PHACTR2: variants seen among roughly 807,000 people sequenced by gnomAD.
The protein encoded by PHACTR2 is phosphatase and actin regulator 2.
PHACTR2 carries 30 observed loss-of-function variants against 76.0 expected under a neutral mutation model. That is an observed-to-expected ratio of 0.39 (90% CI 0.30 to 0.54). The LOEUF (loss-of-function observed/expected upper bound fraction) is 0.54. PHACTR2 is among the 20% of genes least tolerant of loss of function. The pLI is 0.61. For missense variants in PHACTR2, 696 were observed against 781.1 expected (o/e 0.89, Z 1.30); for synonymous variants, 292 against 292.5 (o/e 1.00, Z 0.02).
intron 1 of PHACTR2, among the ~76,000 whole-genome samples, chr6:143,705,857 G>A (rs1045222022): frequency 1.3e-5 from 2 of 152,176 alleles, no homozygotes; most frequent in African/African-American, 4.8e-5. Context: ...GCACTCTTTG[G>A]AAGGAAGTCA....
intron 1 of PHACTR2, 42 bp from the exon 2 acceptor site, chr6:143,711,974 C>A: frequency 1.9e-6 from 3 of 1,586,340 alleles, no homozygotes; most frequent in African/African-American, 2.7e-5. Flanking sequence ...TTATTACAAC[C>A]TTTTTTACAA....
intron 1 of PHACTR2, among the ~76,000 whole-genome samples, chr6:143,545,653 C>A (rs1231337539): frequency 2.0e-5 from 3 of 152,152 alleles, no homozygotes; most frequent in African/African-American, 7.2e-5. Flanking sequence ...AACCAAGACT[C>A]AAATCTTCAT....
chr6:143,672,033 G>A lies in PHACTR2; in HGVS notation c.14-39983G>A, dbSNP rs1187258210. Among the ~76,000 whole-genome samples, 2 of 152,138 alleles carry A rather than the reference G, an allele frequency of 1.3e-5. No individual in the cohort carries two copies. Among genetic ancestry groups the A allele is most frequent in the Non-Finnish European group, 2.9e-5 (2 of 68,020 alleles). On this transcript the variant is annotated intron_variant, in intron 1 of 11. Coordinates refer to the PHACTR2 transcript ENST00000305766. This position sits in a 1 kb window ranked among gnomAD's most constrained non-coding sequence, Gnocchi z 5.8. ...TTAGATAAATCAAAAGTATGGACATGGAAAGCAGGTTGGCAGTTCCCTAAT... is the reference window on the plus strand; with the variant it reads ...TTAGATAAATCAAAAGTATGGACATAGAAAGCAGGTTGGCAGTTCCCTAAT...
rs1778878413 is a variant in PHACTR2, at chr6:143,738,938, G to T, written c.215-10047G>T. ...CCCTGAAATGTGTAGATTGAAAGCAGATCATGGAGAAGGGTGTTAGAAGTT... is the reference window on the plus strand; with the variant it reads ...CCCTGAAATGTGTAGATTGAAAGCATATCATGGAGAAGGGTGTTAGAAGTT... On this transcript the variant is annotated intron_variant, in intron 2 of 12. Transcript: ENST00000440869. The surrounding 1 kb of genome is among the most constrained non-coding windows in gnomAD (Gnocchi z 4.0). 1.3e-5 allele frequency among the ~76,000 whole-genome samples: 2 copies of T among 151,476 alleles called. No individual in the cohort carries two copies. Among genetic ancestry groups the T allele is most frequent in the African/African-American group, 4.9e-5 (2 of 41,136 alleles).
rs899877048 is a variant in PHACTR2 at position 143,828,916 on chromosome 6, C to T, written c.*5227C>T. The T allele has an allele frequency of 1.3e-5, 2 of 152,172 alleles. No individual in the cohort carries two copies. Among genetic ancestry groups the T allele is most frequent in the African/African-American group, 4.8e-5 (2 of 41,450 alleles). The allele number at this position is 152,172 out of a possible 1,614,324, so 9.4% of individuals were successfully genotyped here. On this transcript the variant is annotated 3_prime_UTR_variant, in exon 13 of 13. Transcript: ENST00000440869. The surrounding 1 kb of genome is among the most constrained non-coding windows in gnomAD (Gnocchi z 4.7). ...TCCCTGGGAGGTTGGTATCACCTCC[C>T]CTGAATGCCACTGTCTACTGCATTT...
chr6:143,734,043 T>C (rs1778765033), intron 2 of PHACTR2, among the ~76,000 whole-genome samples: 1 of 152,206 alleles, frequency 6.6e-6, no homozygotes, highest in Admixed American at 6.5e-5. Context: ...GGTTCAATCT[T>C]TTTATACATA....
rs1191415660 is a variant in PHACTR2, at chr6:143,581,277, C to G, written c.217+44070C>G. Reference sequence around the variant, plus strand: ...GACTCTGTAGATGTCTGTAATTGACCGGGAGGTATGTAGATGACTGTATCA... The same window carrying G: ...GACTCTGTAGATGTCTGTAATTGACGGGGAGGTATGTAGATGACTGTATCA... On this transcript the variant is annotated intron_variant, in intron 1 of 11. Coordinates refer to the PHACTR2 transcript ENST00000367584. The surrounding 1 kb of genome is among the most constrained non-coding windows in gnomAD (Gnocchi z 4.5). Among the ~76,000 whole-genome samples, 1 of 152,150 alleles carries G rather than the reference C, an allele frequency of 6.6e-6. No individual in the cohort carries two copies. Among genetic ancestry groups the G allele is most frequent in the Non-Finnish European group, 1.5e-5 (1 of 68,026 alleles).
At position 143,549,732 on chromosome 6, in the gene PHACTR2, T is replaced by C. The variant is rs1375823647; in HGVS notation, c.217+12525T>C. ...TCCCTTCTTCTGCACACGCCTACTT[T>C]AACAGTTGCTCATTGAGCCTTCTTC... On this transcript the variant is annotated intron_variant, in intron 1 of 11. Transcript: ENST00000367584. This position sits in a 1 kb window ranked among gnomAD's most constrained non-coding sequence, Gnocchi z 4.2. Among the ~76,000 whole-genome samples the C allele has an allele frequency of 1.3e-5, 2 of 152,014 alleles. No homozygotes were observed. Among genetic ancestry groups the C allele is most frequent in the Non-Finnish European group, 2.9e-5 (2 of 67,954 alleles).
rs1776852492 is a variant in PHACTR2, at chr6:143,656,558, T to C, written c.13+48236T>C. Among the ~76,000 whole-genome samples the C allele has an allele frequency of 6.6e-6, 1 of 152,116 alleles. No individual in the cohort carries two copies. Among genetic ancestry groups the C allele is most frequent in the African/African-American group, 2.4e-5 (1 of 41,408 alleles). On this transcript the variant is annotated intron_variant, in intron 1 of 11. Coordinates refer to the PHACTR2 transcript ENST00000305766. This position sits in a 1 kb window ranked among gnomAD's most constrained non-coding sequence, Gnocchi z 5.3. ...AGGTTGGGCAAGTTTGGTCTATGAT[T>C]TTATAATCTGATCTAGTATTCTCTG...
intron 12 of PHACTR2, among the ~76,000 whole-genome samples, chr6:143,812,412 A>C (rs1451391602): frequency 6.6e-6 from 1 of 152,190 alleles, no homozygotes. Context: ...TTTCTTGACT[A>C]ATGTGTTGGC....
chr6:143,553,775 T>C lies in PHACTR2; in HGVS notation c.217+16568T>C, dbSNP rs1775127136. On this transcript the variant is annotated intron_variant, in intron 1 of 11. Transcript: ENST00000367584. This position sits in a 1 kb window ranked among gnomAD's most constrained non-coding sequence, Gnocchi z 4.2. ...AGACAGAGACAATACACAAACTAAA[T>C]AAACAATATTAGATGGTGATTACAA... Among the ~76,000 whole-genome samples the C allele has an allele frequency of 6.6e-6, 1 of 152,028 alleles. No individual in the cohort carries two copies. Among genetic ancestry groups the C allele is most frequent in the African/African-American group, 2.4e-5 (1 of 41,392 alleles).
Position 143,825,665 on chromosome 6 carries a change from A to G in PHACTR2, c.*1976A>G, listed in dbSNP as rs1186295297. On this transcript the variant is annotated 3_prime_UTR_variant, in exon 13 of 13. Coordinates refer to ENST00000440869, the MANE Select transcript of PHACTR2 (RefSeq NM_001100164.2). The surrounding 1 kb of genome is among the most constrained non-coding windows in gnomAD (Gnocchi z 4.1). ...TTTTCCTTAATTATATTTTTATTTT[A>G]TTATTTTAGTGTCTTGAGAAAAATA... is the stretch of plus-strand genomic sequence containing the variant. The G allele has an allele frequency of 6.6e-6, 1 of 150,920 alleles. No homozygotes were observed. Among genetic ancestry groups the G allele is most frequent in the African/African-American group, 2.4e-5 (1 of 40,992 alleles). 9.3% of individuals were successfully genotyped at this position (150,920 alleles called of 1,614,324 possible).
In PHACTR2 at chr6:143,652,568, T is replaced by C. The variant is rs890454042; in HGVS notation, c.13+44246T>C. ...TATTTGTGAGTACACTTAAGTGTTTTTGTTTTCCACTATGCTAGGTCAGTT... is the reference window on the plus strand; with the variant it reads ...TATTTGTGAGTACACTTAAGTGTTTCTGTTTTCCACTATGCTAGGTCAGTT... On this transcript the variant is annotated intron_variant, in intron 1 of 11. Transcript: ENST00000305766. This position sits in a 1 kb window ranked among gnomAD's most constrained non-coding sequence, Gnocchi z 4.5. Among the ~76,000 whole-genome samples the C allele has an allele frequency of 1.3e-5, 2 of 152,240 alleles. No homozygotes were observed. The highest frequency in any genetic ancestry group is 2.9e-5 in the Non-Finnish European group (2 of 68,042).
chr6:143,719,814 T>TTA, intron 2 of PHACTR2, among the ~76,000 whole-genome samples: 1 of 27,996 alleles, frequency 3.6e-5, no homozygotes, highest in Admixed American at 2.6e-4. Context: ...TGTTCGACAC[T>TTA]TTTTTTTTTT....
In PHACTR2 at chr6:143,572,546, G is replaced by A. The variant is rs1775455767; in HGVS notation, c.217+35339G>A. Among the ~76,000 whole-genome samples, 3 of 151,904 alleles carry A rather than the reference G, an allele frequency of 2.0e-5. No homozygotes were observed. The South Asian group carries it at 6.2e-4, about 32-fold the overall frequency. The stretch of plus-strand genomic sequence containing the variant: ...TTGTTTGTTTTTTTGTTTTGTTTTG[G>A]TCATTGTGGTTGTTGTTGTTTTTGA... On this transcript the variant is annotated intron_variant, in intron 1 of 11. Transcript: ENST00000367584.
chr6:143,544,800 A>G (rs899661959), intron 1 of PHACTR2, among the ~76,000 whole-genome samples: 3 of 152,238 alleles, frequency 2.0e-5, no homozygotes, highest in East Asian at 1.9e-4. Flanking sequence ...TGTAGAATTA[A>G]TGCATGAATT....
intron 11 of PHACTR2, among the ~76,000 whole-genome samples, chr6:143,797,744 T>C (rs748186253): frequency 1.3e-5 from 2 of 152,192 alleles, no homozygotes; most frequent in Non-Finnish European, 2.9e-5. Context: ...TTCTCCGTTC[T>C]GTTCCATCAG....
At chr6:143,712,677 A>G (rs1294122294) in intron 2 of PHACTR2, among the ~76,000 whole-genome samples, 1 of 152,050 alleles carries the variant, frequency 6.6e-6, no homozygotes, top group Non-Finnish European at 1.5e-5. Context: ...GTATTTTTTG[A>G]TGTATTTATT....
chr6:143,625,137 T>C lies in PHACTR2; in HGVS notation c.13+16815T>C, dbSNP rs1191905635. On this transcript the variant is annotated intron_variant, in intron 1 of 11. Coordinates refer to the PHACTR2 transcript ENST00000305766. This position sits in a 1 kb window ranked among gnomAD's most constrained non-coding sequence, Gnocchi z 4.3. ...CACCACTACACTCCAACATGGAGTG[T>C]AGAGACAGAATGAGACTTCATCTCA... is the stretch of plus-strand genomic sequence containing the variant. 2.0e-5 allele frequency among the ~76,000 whole-genome samples: 3 copies of C among 151,524 alleles called. No homozygotes were observed.
Sources: allele counts gnomAD v4.1 joint callset (sites outside exome capture counted in the v4.1 genomes callset), GRCh38; gene constraint gnomAD v4.1.1; non-coding constraint Gnocchi (gnomAD v3.1); transcripts MANE v1.5; gene names NCBI Gene and HGNC (gene_info 2026-07-23, HGNC 2026-07-21).